The following MYH9 variants were observed in gnomAD, a reference collection of about 807,000 sequenced individuals.
MYH9 encodes myosin-9.
Under a neutral mutation model 241.9 loss-of-function variants are expected in MYH9, and 29 were observed. The observed-to-expected ratio is 0.12, with a 90% CI of 0.09 to 0.16. The LOEUF (loss-of-function observed/expected upper bound fraction) is 0.16, where lower values mean the gene tolerates loss of function less well. Ranked by LOEUF, MYH9 falls within the 10% of genes least tolerant of loss-of-function variation. The pLI, the probability that MYH9 is intolerant of heterozygous loss-of-function variation, is 1.00. For synonymous variants in MYH9, 1,047 were observed against 1,062.6 expected, an observed-to-expected ratio of 0.99 and a Z score of 0.29; for missense variants, 1,803 against 2,595.5, an observed-to-expected ratio of 0.69 and a Z score of 6.63.
At chr22:36,341,584 CAA>C in intron 2 of MYH9, 58 bp from the exon 3 acceptor site, 1 of 1,594,028 alleles carries the variant, frequency 6.3e-7, no homozygotes, top group South Asian at 1.1e-5. Context: ...CAGTAGTGTA[CAA>C]ACTTTGTAGC....
At chr22:36,286,089 T>C in intron 35 of MYH9, 136 bp from the exon 36 acceptor site, 2 of 854,882 alleles carry the variant, frequency 2.3e-6, no homozygotes, top group East Asian at 5.3e-5. Flanking sequence ...AGAAACCCTC[T>C]AGCTCACAGG....
chr22:36,314,091 C>G (rs2017111672), intron 13 of MYH9, 54 bp downstream of exon 13: 1 of 1,580,244 alleles, frequency 6.3e-7, no homozygotes, highest in Non-Finnish European at 8.7e-7. Flanking sequence ...AGCGGGTGCC[C>G]CGGAAGGGAA....
intron 3 of MYH9, among the ~76,000 whole-genome samples, chr22:36,331,740 G>C (rs556143154): frequency 5.4e-4 from 83 of 152,348 alleles, no homozygotes; most frequent in African/African-American, 2.0e-3. Context: ...CACCTCCCGA[G>C]GTTCCAGCAT....
rs139134727 is a variant in MYH9 at position 36,289,246 on chromosome 22, G to A, written c.4396C>T (p.Arg1466Trp). Residue 1466 changes from arginine (R) to tryptophan (W), a missense_variant, in exon 32 of 41, where the codon CGG becomes TGG. Physicochemically the swap from Arg to Trp is moderately radical, Grantham distance 101 (BLOSUM62 -3). Around this residue, in one of 11 missense-constraint regions of MYH9, gnomAD observed 876 missense variants for 1,077.8 expected, o/e 0.81. Transcript: ENST00000216181. ...TTCTCTCGGGCCTCCGCCTCAGCCCGGTCGCGCTCCTCTGCATACTTGGCA... is the reference window on the plus strand; with the variant it reads ...TTCTCTCGGGCCTCCGCCTCAGCCCAGTCGCGCTCCTCTGCATACTTGGCA... ...ISAKYAEERD[R>W]AEAEAREKET... The A allele has an allele frequency of 2.9e-3, 4,640 of 1,612,714 alleles. 9 individuals are homozygous for A. The highest frequency in any genetic ancestry group is 4.1e-3 in the Middle Eastern group (25 of 6,062).
intron 1 of MYH9, among the ~76,000 whole-genome samples, chr22:36,353,415 C>T (rs2017803966): frequency 6.6e-6 from 1 of 152,010 alleles, no homozygotes; most frequent in South Asian, 2.1e-4. Context: ...GGCTGGAGTG[C>T]AATGGCAAGA....
At position 36,326,626 on chromosome 22, in the gene MYH9, T is replaced by C. The variant is rs2017340140; in HGVS notation, c.554A>G (p.Lys185Arg). The stretch of plus-strand genomic sequence containing the variant: ...GTACGCCAGATACTGGATGACCTTC[T>C]TGGTGTTCTCCGTCTTGCCAGCTCC... The part of the protein sequence containing the change: ...ESGAGKTENT[K>R]KVIQYLAYVA... Residue 185 changes from lysine (K) to arginine (R), a missense_variant, in exon 5 of 41, where the codon AAG becomes AGG. Lys to Arg is a conservative substitution (Grantham distance 26, BLOSUM62 2). Coordinates refer to ENST00000216181, the MANE Select transcript of MYH9 (RefSeq NM_002473.6). 1 of 1,614,142 alleles carries C rather than the reference T, an allele frequency of 6.2e-7. No individual in the cohort carries two copies. The highest frequency in any genetic ancestry group is 1.3e-5 in the African/African-American group (1 of 74,948).
At chr22:36,316,187 G>A (rs186069556) in intron 12 of MYH9, among the ~76,000 whole-genome samples, 13 of 148,210 alleles carry the variant, frequency 8.8e-5, no homozygotes, top group Admixed American at 3.4e-4. Flanking sequence ...ACAGGCATGC[G>A]CCACCACGCC....
In MYH9 at chr22:36,289,097, A is replaced by G. The variant is rs2146332016; in HGVS notation, c.4545T>C (p.Asp1515=). The G allele has an allele frequency of 6.2e-7, 1 of 1,613,904 alleles. No individual in the cohort carries two copies. The highest frequency in any genetic ancestry group is 1.3e-5 in the African/African-American group (1 of 74,970). ...EMEDLMSSKD[D]VGKSVHELEK... Reference sequence around the variant, plus strand: ...GCCCAGGACTCACACTCTTGCCCACATCATCCTTGGAGCTCATAAGGTCCT... The same window carrying G: ...GCCCAGGACTCACACTCTTGCCCACGTCATCCTTGGAGCTCATAAGGTCCT... Residue 1515 remains aspartate, a synonymous_variant, in exon 32 of 41, where the codon GAT becomes GAC. Transcript: ENST00000216181.
Position 36,289,211 on chromosome 22 carries a change from C to A in MYH9, c.4431G>T (p.Lys1477Asn). The A allele has an allele frequency of 6.2e-7, 1 of 1,613,378 alleles. No homozygotes were observed. The highest frequency in any genetic ancestry group is 8.5e-7 in the Non-Finnish European group (1 of 1,180,040). ...CCAGGGCCCGGGCCAGCGACAGAGC[C>A]TTGGTCTCCTTCTCTCGGGCCTCCG... ...AEAEAREKETKALSLARALEE... is the reference protein window; with the variant it reads ...AEAEAREKETNALSLARALEE... The change falls in exon 32 of 41, where the codon AAG becomes AAT. Residue 1477 changes from lysine (K) to asparagine (N), a missense_variant. Physicochemically the swap from Lys to Asn is moderately conservative, Grantham distance 94. Transcript: ENST00000216181.
In MYH9 at chr22:36,285,255, C is replaced by T; in HGVS notation, c.5349G>A (p.Leu1783=). 1 of 1,614,154 alleles carries T rather than the reference C, an allele frequency of 6.2e-7. No homozygotes were observed. The highest frequency in any genetic ancestry group is 8.5e-7 in the Non-Finnish European group (1 of 1,180,038). Residue 1783 remains leucine (L), a synonymous_variant, in exon 38 of 41, where the codon CTG becomes CTA. Coordinates refer to ENST00000216181, the MANE Select transcript of MYH9 (RefSeq NM_002473.6). The surrounding 1 kb of genome is among the most constrained non-coding windows in gnomAD (Gnocchi z 7.0). ...AQKNENARQQ[L]ERQNKELKVK... is the part of the protein sequence containing the mutation. ...CCTTAAGCTCCTTGTTCTGGCGTTC[C>T]AGCTGCTGCCGAGCATTCTCGTTCT... is the stretch of plus-strand genomic sequence containing the variant.
At chr22:36,313,426 T>C (rs1366734788) in intron 13 of MYH9, among the ~76,000 whole-genome samples, 1 of 120,538 alleles carries the variant, frequency 8.3e-6, no homozygotes, top group Admixed American at 1.2e-4. Flanking sequence ...CACTCCAGCC[T>C]GGGCGACAGA....
chr22:36,380,554 A>C (rs2018241551), intron 1 of MYH9, among the ~76,000 whole-genome samples: 1 of 152,184 alleles, frequency 6.6e-6, no homozygotes, highest in Non-Finnish European at 1.5e-5. Context: ...CAGCCTGGCC[A>C]ACATGGTGAA....
chr22:36,383,963 A>G (rs887714589), intron 1 of MYH9, among the ~76,000 whole-genome samples: 3 of 140,928 alleles, frequency 2.1e-5, no homozygotes, highest in Non-Finnish European at 4.6e-5. Context: ...CTGTCTCGAA[A>G]AAAAAAAAAA....
Position 36,302,610 on chromosome 22 carries a change from G to A in MYH9, c.2457C>T (p.Tyr819=). ...ACCACTGCCAGTTCCGCAGCTTCAG[G>A]TAGGCAGCGCAGTTCCGCTGGAGGA... ...MKVLQRNCAA[Y]LKLRNWQWWR... Residue 819 remains tyrosine, a synonymous_variant, in exon 20 of 41, where the codon TAC becomes TAT. Transcript: ENST00000216181. 1 of 1,613,650 alleles carries A rather than the reference G, an allele frequency of 6.2e-7. No individual in the cohort carries two copies. Among genetic ancestry groups the A allele is most frequent in the Non-Finnish European group, 8.5e-7 (1 of 1,179,974 alleles).
At chr22:36,378,566 TC>T (rs2018207466) in intron 1 of MYH9, among the ~76,000 whole-genome samples, 1 of 152,154 alleles carries the variant, frequency 6.6e-6, no homozygotes, top group African/African-American at 2.4e-5. Flanking sequence ...AGTGTGGCTT[TC>T]TGAATGGCCC....
intron 2 of MYH9, among the ~76,000 whole-genome samples, chr22:36,344,391 C>CT (rs2017640997): frequency 6.6e-6 from 1 of 152,234 alleles, no homozygotes; most frequent in African/African-American, 2.4e-5. Flanking sequence ...TGCACGAAGG[C>CT]TCCTGAGGTC....
intron 1 of MYH9, among the ~76,000 whole-genome samples, chr22:36,350,839 T>C (rs1451508468): frequency 6.6e-6 from 1 of 152,210 alleles, no homozygotes; most frequent in South Asian, 2.1e-4. Context: ...CTGACTCAGC[T>C]TGTGGCCACC....
chr22:36,377,761 T>A (rs1457693829), intron 1 of MYH9, among the ~76,000 whole-genome samples: 1 of 151,292 alleles, frequency 6.6e-6, no homozygotes, highest in Non-Finnish European at 1.5e-5. Flanking sequence ...TACAAAAAAA[T>A]TAGCCGGGCA....
intron 6 of MYH9, among the ~76,000 whole-genome samples, chr22:36,322,080 G>T (rs1179084821): frequency 6.6e-6 from 1 of 152,266 alleles, no homozygotes; most frequent in African/African-American, 2.4e-5. Flanking sequence ...CGCAGAGGGG[G>T]AAAGAGACCA....
Sources: gnomAD v4.1 joint callset for allele counts (sites outside exome capture counted in the v4.1 genomes callset) on GRCh38, gnomAD v4.1.1 for gene constraint, gnomAD v4.1.1 regional missense constraint, Gnocchi (gnomAD v3.1) non-coding constraint, MANE v1.5 for transcripts, NCBI Gene and HGNC (gene_info 2026-07-23, HGNC 2026-07-21) for gene names.